Variants in GRID2 observed in about 807,000 individuals in gnomAD.
GRID2 encodes the protein glutamate ionotropic receptor delta type subunit 2.
In GRID2, 33 loss-of-function variants were observed where a neutral mutation model predicts 114.8. The ratio of observed to expected loss-of-function variants is 0.29; its 90% CI spans 0.22 to 0.38. The LOEUF is 0.38. Among genes scored for constraint, GRID2 ranks in the 10% least tolerant of loss-of-function variants. GRID2 has a pLI of 1.00. For missense variants in GRID2, 1,184 were observed against 1,257.7 expected (o/e 0.94, Z 0.89); for synonymous variants, 505 against 449.9 (o/e 1.12, Z -1.55).
At chr4:92,865,560 A>G (rs1202474980) in intron 2 of GRID2, among the ~76,000 whole-genome samples, 3 of 152,210 alleles carry the variant, frequency 2.0e-5, no homozygotes, top group East Asian at 3.8e-4. Context: ...AGACATACAT[A>G]TCTGATCCTT....
At chr4:93,444,239 G>C (rs1721885998) in intron 10 of GRID2, among the ~76,000 whole-genome samples, 1 of 151,918 alleles carries the variant, frequency 6.6e-6, no homozygotes, top group Non-Finnish European at 1.5e-5. Context: ...AAACAAATCA[G>C]GCTGGAAGAT....
chr4:92,513,558 C>T (rs1693590904), intron 1 of GRID2, among the ~76,000 whole-genome samples: 1 of 151,760 alleles, frequency 6.6e-6, no homozygotes, highest in Non-Finnish European at 1.5e-5. Flanking sequence ...TAAGTTAGCT[C>T]CCTCTTATAC....
intron 2 of GRID2, among the ~76,000 whole-genome samples, chr4:92,684,997 T>C (rs1301868710): frequency 1.3e-5 from 2 of 152,064 alleles, no homozygotes; most frequent in African/African-American, 4.8e-5. Flanking sequence ...GTGAATGTAG[T>C]TAAACCCAAT....
Position 93,413,935 on chromosome 4 carries a change from C to T in GRID2, c.1348-8836C>T, listed in dbSNP as rs1767454316. 2.6e-5 allele frequency among the ~76,000 whole-genome samples: 4 copies of T among 152,086 alleles called. No individual in the cohort carries two copies. The South Asian group carries it at 8.3e-4, about 31-fold the overall frequency. Reference sequence around the variant, plus strand: ...GAACATTCACCTTGAGGACTTTAGTCTATTGATTGAAAGCTTTAGTTCATC... The same window carrying T: ...GAACATTCACCTTGAGGACTTTAGTTTATTGATTGAAAGCTTTAGTTCATC... On this transcript the variant is annotated intron_variant, in intron 9 of 15. Transcript: ENST00000282020.
chr4:92,609,523 G>A (rs955949199), intron 2 of GRID2, among the ~76,000 whole-genome samples: 1 of 151,406 alleles, frequency 6.6e-6, no homozygotes, highest in Admixed American at 6.6e-5. Context: ...CGCTTTTTGA[G>A]AAGATGACTT....
intron 1 of GRID2, among the ~76,000 whole-genome samples, chr4:93,798,996 A>T (rs1734864803): frequency 6.6e-6 from 1 of 152,218 alleles, no homozygotes; most frequent in Non-Finnish European, 1.5e-5. Context: ...GTGGTTACTC[A>T]CTGAGGCTCA....
chr4:92,779,683 A>G (rs1444024018), intron 2 of GRID2, among the ~76,000 whole-genome samples: 4 of 152,148 alleles, frequency 2.6e-5, no homozygotes, highest in African/African-American at 9.7e-5. Context: ...GGCAAAAAGA[A>G]CATGTGCAAG....
At chr4:92,400,639 G>A (rs1277719921) in intron 1 of GRID2, among the ~76,000 whole-genome samples, 1 of 151,892 alleles carries the variant, frequency 6.6e-6, no homozygotes, top group African/African-American at 2.4e-5. Flanking sequence ...GAAATTGCTG[G>A]GTTCTATGAT....
intron 2 of GRID2, among the ~76,000 whole-genome samples, chr4:92,592,406 A>G (rs1728748923): frequency 6.6e-6 from 1 of 152,172 alleles, no homozygotes; most frequent in Admixed American, 6.6e-5. Context: ...TTAAGAAGAA[A>G]AAGTCCCTCA....
intron 14 of GRID2, among the ~76,000 whole-genome samples, chr4:93,645,105 C>A (rs1221714501): frequency 2.6e-5 from 4 of 152,032 alleles, no homozygotes; most frequent in Non-Finnish European, 5.9e-5. Context: ...AAGTCAAAGG[C>A]CTGACCTGGA....
At chr4:93,568,959 A>G (rs1735687420) in intron 13 of GRID2, among the ~76,000 whole-genome samples, 1 of 152,032 alleles carries the variant, frequency 6.6e-6, no homozygotes, top group African/African-American at 2.4e-5. Flanking sequence ...TTTACTTCCA[A>G]CACCTGTACC....
intron 2 of GRID2, among the ~76,000 whole-genome samples, chr4:92,989,279 A>T (rs1428741349): frequency 8.3e-6 from 1 of 120,926 alleles, no homozygotes; most frequent in African/African-American, 3.6e-5. Context: ...TCCATCTCAA[A>T]AAAAAAAAAA....
chr4:93,697,867 G>GTATATATA (rs1336222146), intron 14 of GRID2, among the ~76,000 whole-genome samples: 2 of 83,820 alleles, frequency 2.4e-5, no homozygotes, highest in Non-Finnish European at 5.5e-5. Flanking sequence ...TCCACAATGT[G>GTATATATA]TGTATATATA....
intron 4 of GRID2, among the ~76,000 whole-genome samples, chr4:93,181,974 G>A (rs1739936247): frequency 6.6e-6 from 1 of 152,098 alleles, no homozygotes; most frequent in Non-Finnish European, 1.5e-5. Context: ...TTATCAAGAA[G>A]TAGGCTTAGA....
intron 1 of GRID2, among the ~76,000 whole-genome samples, chr4:92,583,266 G>C (rs148219243): frequency 0.013 from 2,026 of 152,002 alleles, 34 homozygotes; most frequent in African/African-American, 0.046. Context: ...AATATTAACT[G>C]CCAGTGTTTC....
chr4:93,133,916 A>G lies in GRID2; in HGVS notation c.735+22963A>G, dbSNP rs116173672. On this transcript the variant is annotated intron_variant, in intron 4 of 15. Coordinates refer to ENST00000282020, the MANE Select transcript of GRID2 (RefSeq NM_001510.4). ...TCAAAGTAAAGGTTAAGGAATATTT[A>G]GGCAAATAGAAAAGTAGAATTCCAT... is the stretch of plus-strand genomic sequence containing the variant. 6.2e-3 allele frequency among the ~76,000 whole-genome samples: 951 copies of G among 152,352 alleles called. 12 individuals are homozygous for G. Among genetic ancestry groups the G allele is most frequent in the African/African-American group, 0.022 (895 of 41,592 alleles).
intron 2 of GRID2, among the ~76,000 whole-genome samples, chr4:92,704,344 G>T (rs981880206): frequency 7.2e-5 from 11 of 152,092 alleles, no homozygotes; most frequent in African/African-American, 2.7e-4. Context: ...GAAGAATTTG[G>T]TATTGAGAGA....
At chr4:93,077,160 A>T (rs913881443) in intron 2 of GRID2, among the ~76,000 whole-genome samples, 3 of 152,192 alleles carry the variant, frequency 2.0e-5, no homozygotes, top group African/African-American at 7.2e-5. Flanking sequence ...CTGGCAGTAG[A>T]TATTTCAAAA....
intron 1 of GRID2, among the ~76,000 whole-genome samples, chr4:92,438,890 T>C (rs1020467003): frequency 6.6e-6 from 1 of 152,228 alleles, no homozygotes; most frequent in Non-Finnish European, 1.5e-5. Context: ...TTCTAGATTA[T>C]TGCCAGCACT....
Sources: allele counts gnomAD v4.1 joint callset (sites outside exome capture counted in the v4.1 genomes callset), GRCh38; gene constraint gnomAD v4.1.1; transcripts MANE v1.5; gene names NCBI Gene and HGNC (gene_info 2026-07-23, HGNC 2026-07-21).